Variants in DOCK3 observed in about 807,000 individuals in gnomAD.
DOCK3 encodes dedicator of cytokinesis 3, also known as dedicator of cytokinesis protein 3.
Under a neutral mutation model 265.6 loss-of-function variants are expected in DOCK3, and 60 were observed. That is an observed-to-expected ratio of 0.23 (90% confidence interval 0.18 to 0.28). DOCK3 has a LOEUF of 0.28. Ranked by LOEUF, DOCK3 falls within the 10% of genes least tolerant of loss-of-function variation. DOCK3 has a pLI of 1.00. For synonymous variants in DOCK3, 881 were observed against 938.0 expected (o/e 0.94, Z 1.11); for missense variants, 1,981 against 2,594.3 (o/e 0.76, Z 5.14).
At chr3:51,079,006 A>G (rs766321412) in intron 7 of DOCK3, among the ~76,000 whole-genome samples, 47 of 152,236 alleles carry the variant, frequency 3.1e-4, no homozygotes, top group Non-Finnish European at 6.2e-4. Flanking sequence ...ACCACTTAGG[A>G]TTTATATGTT....
intron 4 of DOCK3, among the ~76,000 whole-genome samples, chr3:50,920,028 T>A (rs1447219468): frequency 3.9e-5 from 6 of 152,192 alleles, no homozygotes; most frequent in African/African-American, 1.4e-4. Flanking sequence ...TTGTCTTTGG[T>A]TCTGTTTATA....
chr3:51,274,346 G>A (rs543975485), intron 24 of DOCK3, among the ~76,000 whole-genome samples: 1 of 152,302 alleles, frequency 6.6e-6, no homozygotes, highest in African/African-American at 2.4e-5. Flanking sequence ...TACCTATCTA[G>A]CCAGGGCATA....
chr3:51,176,729 A>T (rs1198162752), intron 12 of DOCK3, among the ~76,000 whole-genome samples: 3 of 152,220 alleles, frequency 2.0e-5, no homozygotes, highest in Non-Finnish European at 4.4e-5. Context: ...TTGTTAGCTG[A>T]CTTAATAAGG....
chr3:51,228,590 A>G (rs2108384304), intron 17 of DOCK3, 71 bp from the exon 18 acceptor site: 1 of 1,521,416 alleles, frequency 6.6e-7, no homozygotes, highest in Admixed American at 2.1e-5. Flanking sequence ...ATCAGCCCAG[A>G]AATTCCTAGG....
chr3:51,255,922 G>A (rs1407648636), intron 22 of DOCK3, among the ~76,000 whole-genome samples: 1 of 152,174 alleles, frequency 6.6e-6, no homozygotes, highest in Non-Finnish European at 1.5e-5. Context: ...GAGGAGCTGT[G>A]TTCCTTTGGA....
intron 27 of DOCK3, among the ~76,000 whole-genome samples, chr3:51,280,906 ATTC>A (rs1329874114): frequency 6.6e-6 from 1 of 152,112 alleles, no homozygotes; most frequent in African/African-American, 2.4e-5. Context: ...GCCACTTTCA[ATTC>A]TTTTGCTATT....
chr3:50,913,320 C>T (rs1013939898), intron 4 of DOCK3, among the ~76,000 whole-genome samples: 2 of 151,960 alleles, frequency 1.3e-5, no homozygotes, highest in Non-Finnish European at 2.9e-5. Context: ...TGTGGTTGAG[C>T]TGTTATCCAG....
intron 32 of DOCK3, among the ~76,000 whole-genome samples, chr3:51,322,909 T>C (rs1052508009): frequency 3.1e-4 from 46 of 148,302 alleles, no homozygotes; most frequent in Non-Finnish European, 6.1e-4. Flanking sequence ...AAGAGACCCA[T>C]CTCACATGCA....
intron 27 of DOCK3, among the ~76,000 whole-genome samples, chr3:51,287,127 A>G (rs2081449393): frequency 6.6e-6 from 1 of 152,160 alleles, no homozygotes; most frequent in African/African-American, 2.4e-5. Flanking sequence ...CAAAAAAACA[A>G]CTCTGTTAAA....
At chr3:50,789,754 CTCTG>C (rs1471812861) in intron 2 of DOCK3, among the ~76,000 whole-genome samples, 10 of 152,250 alleles carry the variant, frequency 6.6e-5, no homozygotes, top group African/African-American at 1.4e-4. Flanking sequence ...AAGACAGTCT[CTCTG>C]TCTGTCATCC....
Position 51,041,191 on chromosome 3 carries a change from TATATATATA to T in DOCK3, c.316-23256_316-23248del, listed in dbSNP as rs1428197181. ...ATATATATATATATATATATATATA[TATATATATA>T]TATATTTTTTTTTTTTTTTTTTTTT... On this transcript the variant is annotated intron_variant, in intron 5 of 52. Coordinates refer to ENST00000266037, the MANE Select transcript of DOCK3 (RefSeq NM_004947.5). Among the ~76,000 whole-genome samples, 123 of 17,518 alleles carry T rather than the reference TATATATATA, an allele frequency of 7.0e-3. 1 individual carries two copies. The highest frequency in any genetic ancestry group is 9.9e-3 in the Non-Finnish European group (97 of 9,840). 11.5% of individuals were successfully genotyped at this position (17,518 alleles called of 152,430 possible).
chr3:51,095,118 A>G (rs142370389), intron 9 of DOCK3, among the ~76,000 whole-genome samples: 216 of 151,422 alleles, frequency 1.4e-3, no homozygotes, highest in African/African-American at 5.0e-3. Flanking sequence ...TATCCAATTT[A>G]CCAGTCTGTG....
intron 1 of DOCK3, among the ~76,000 whole-genome samples, chr3:50,694,974 A>T (rs866067957): frequency 5.3e-5 from 8 of 152,228 alleles, no homozygotes; most frequent in Non-Finnish European, 1.2e-4. Context: ...CAGGCTAGTA[A>T]CTAAGCCGAA....
intron 38 of DOCK3, among the ~76,000 whole-genome samples, chr3:51,347,930 G>C (rs543208846): frequency 7.9e-5 from 12 of 152,192 alleles, no homozygotes; most frequent in Non-Finnish European, 1.2e-4. Flanking sequence ...TCACAATTTG[G>C]CTCTCTGTTT....
At chr3:51,264,550 G>A (rs149052337) in intron 23 of DOCK3, among the ~76,000 whole-genome samples, 7 of 152,092 alleles carry the variant, frequency 4.6e-5, no homozygotes, top group African/African-American at 1.4e-4. Context: ...ATAACTAGCC[G>A]GGCTTGGTGG....
At chr3:51,081,995 A>ATT (rs1426188201) in intron 7 of DOCK3, among the ~76,000 whole-genome samples, 1 of 152,014 alleles carries the variant, frequency 6.6e-6, no homozygotes, top group African/African-American at 2.4e-5. Flanking sequence ...TCAGTGAGTA[A>ATT]TTAACTACAT....
chr3:51,373,504 C>A (rs1479305940), intron 49 of DOCK3, among the ~76,000 whole-genome samples: 1 of 152,158 alleles, frequency 6.6e-6, no homozygotes, highest in African/African-American at 2.4e-5. Context: ...TCCAAATTAC[C>A]CATTCCCCCA....
At position 51,208,828 on chromosome 3, in the gene DOCK3, C is replaced by T. The variant is rs1368893504; in HGVS notation, c.1092C>T (p.Ser364=). 1 of 1,612,084 alleles carries T rather than the reference C, an allele frequency of 6.2e-7. No homozygotes were observed. Among genetic ancestry groups the T allele is most frequent in the East Asian group, 2.2e-5 (1 of 44,816 alleles). Residue 364 remains serine, a synonymous_variant, in exon 13 of 53, where the codon TCC becomes TCT. Transcript: ENST00000266037. The part of the protein sequence containing the change: ...SQIHENIIRK[S]SAKYSAPSAS... ...TCCACGAGAACATCATCCGAAAGTC[C>T]AGTGCCAAGTACTCTGCCCCCAGCG...
In DOCK3 at chr3:50,758,529, A is replaced by G. The variant is rs142704314; in HGVS notation, c.38-20146A>G. 5.4e-3 allele frequency among the ~76,000 whole-genome samples: 823 copies of G among 152,246 alleles called. 4 individuals carry two copies. The highest frequency in any genetic ancestry group is 0.014 in the Middle Eastern group (4 of 294). ...TTCTGTCTATGGCCATACCACCCTG[A>G]ACGCGCCGATCTCGTCTGAAAGTGT... On this transcript the variant is annotated intron_variant, in intron 1 of 52. Coordinates refer to ENST00000266037, the MANE Select transcript of DOCK3 (RefSeq NM_004947.5).
Sources: allele counts gnomAD v4.1 joint callset (sites outside exome capture counted in the v4.1 genomes callset), GRCh38; gene constraint gnomAD v4.1.1; transcripts MANE v1.5; gene names NCBI Gene and HGNC (gene_info 2026-07-23, HGNC 2026-07-21).